The following SAFB variants were observed in gnomAD, a reference collection of about 807,000 sequenced individuals.
SAFB encodes the protein scaffold attachment factor B, also known as scaffold attachment factor B1.
A neutral mutation model predicts 101.6 loss-of-function variants in SAFB; 15 were observed. The ratio of observed to expected loss-of-function variants is 0.15; its 90% CI spans 0.10 to 0.23. The LOEUF is 0.23. Among genes scored for constraint, SAFB ranks in the 10% least tolerant of loss-of-function variants. SAFB has a pLI of 1.00. For missense variants in SAFB, 930 were observed against 1,104.1 expected (o/e 0.84, Z 2.23); for synonymous variants, 449 against 407.5 (o/e 1.10, Z -1.23).
intron 5 of SAFB, among the ~76,000 whole-genome samples, 191 bp downstream of exon 5, chr19:5,645,590 C>T (rs946070152): frequency 1.3e-5 from 2 of 152,226 alleles, no homozygotes; most frequent in African/African-American, 4.8e-5. Flanking sequence ...AGGGACTTAA[C>T]TCTAGGCTTC....
intron 4 of SAFB, among the ~76,000 whole-genome samples, chr19:5,644,102 G>A (rs879510409): frequency 6.6e-6 from 1 of 152,058 alleles, no homozygotes; most frequent in African/African-American, 2.4e-5. Context: ...TTTTTTTCAA[G>A]ACAGGGTCTC....
rs776099156 is a variant in SAFB, at chr19:5,667,082, G to A, written c.2371G>A (p.Gly791Ser). 25 of 1,612,572 alleles carry A rather than the reference G, an allele frequency of 1.6e-5. No individual in the cohort carries two copies. Among genetic ancestry groups the A allele is most frequent in the East Asian group, 6.7e-5 (3 of 44,894 alleles). Residue 791 changes from glycine (G) to serine (S), a missense_variant, in exon 18 of 21, where the codon GGC (glycine) becomes AGC (serine). Gly to Ser is a moderately conservative substitution (Grantham distance 56). This residue lies in a region of SAFB where 318 missense variants were observed against 342.6 expected (regional missense o/e 0.93). Coordinates refer to ENST00000588852, the MANE Select transcript of SAFB (RefSeq NM_001201338.2). This position sits in a 1 kb window ranked among gnomAD's most constrained non-coding sequence, Gnocchi z 4.0. ...PERHGGPERH[G>S]RDSRDGWGGY... ...ACGCCATGGAGGACCAGAGCGCCAC[G>A]GCCGGGACTCCCGCGATGGCTGGGG... is the stretch of plus-strand genomic sequence containing the variant.
At chr19:5,656,476 A>G (rs1020429114) in intron 13 of SAFB, among the ~76,000 whole-genome samples, 2 of 150,904 alleles carry the variant, frequency 1.3e-5, no homozygotes, top group African/African-American at 2.4e-5. Flanking sequence ...GGATTTCTCC[A>G]TGTTGGTCAG....
chr19:5,623,093 C>A lies in SAFB; in HGVS notation c.-113C>A. ...TTGGTGCGCCTGCGCAGAAGCGAGG[C>A]GCGCTGGGGCGACTGGAGCGGTTCC... On this transcript the variant is annotated 5_prime_UTR_variant, in exon 1 of 21. Coordinates refer to ENST00000588852, the MANE Select transcript of SAFB (RefSeq NM_001201338.2). 5 of 1,123,942 alleles carry A rather than the reference C, an allele frequency of 4.4e-6. No homozygotes were observed. Among genetic ancestry groups the A allele is most frequent in the Non-Finnish European group, 6.4e-6 (5 of 783,258 alleles). 69.6% of individuals were successfully genotyped at this position (1,123,942 alleles called of 1,614,324 possible).
In SAFB at chr19:5,653,211, A is replaced by G. The variant is rs2053978397; in HGVS notation, c.1390A>G (p.Ile464Val). The G allele has an allele frequency of 6.2e-7, 1 of 1,614,188 alleles. No homozygotes were observed. The highest frequency in any genetic ancestry group is 8.5e-7 in the Non-Finnish European group (1 of 1,180,042). The change falls in exon 10 of 21, where the codon ATT (isoleucine) becomes GTT (valine). Residue 464 changes from isoleucine to valine, a missense_variant. Ile to Val is a conservative substitution (Grantham distance 29). Transcript: ENST00000588852. ...CACAGCAGAAGAGGCCACAAAATGC[A>G]TTAACCACCTGCACAAGACGGAGCT... The part of the protein sequence containing the change: ...MSTAEEATKC[I>V]NHLHKTELHG...
At chr19:5,635,602 A>G (rs1271515040) in intron 2 of SAFB, among the ~76,000 whole-genome samples, 3 of 152,126 alleles carry the variant, frequency 2.0e-5, no homozygotes, top group Non-Finnish European at 4.4e-5. Context: ...GTGTTTGTGT[A>G]ATCAAATCAG....
Position 5,664,157 on chromosome 19 carries a change from C to T in SAFB, c.2289C>T (p.Asp763=). The change falls in exon 16 of 21, where the codon GAC becomes GAT. Residue 763 remains aspartate, a splice_region_variant and synonymous_variant. Coordinates refer to ENST00000588852, the MANE Select transcript of SAFB (RefSeq NM_001201338.2). ...GCCGCTACCCCGACCACTCGGTGGA[C>T]AGGTCAGTTGGGCCCCTGCTGGGCG... ...DRGRYPDHSV[D]RREGSRSMMG... The T allele has an allele frequency of 3.7e-6, 6 of 1,613,684 alleles. No homozygotes were observed. Among genetic ancestry groups the T allele is most frequent in the South Asian group, 1.1e-5 (1 of 91,054 alleles).
At position 5,660,342 on chromosome 19, in the gene SAFB, CTTTTTTTT is replaced by C. The variant is rs11360129; in HGVS notation, c.1863-1156_1863-1149del. Among the ~76,000 whole-genome samples, 23 of 50,934 alleles carry C rather than the reference CTTTTTTTT, an allele frequency of 4.5e-4. No individual in the cohort carries two copies. In the East Asian group the frequency reaches 0.013, roughly 30 times the overall value. 33.4% of individuals were successfully genotyped at this position (50,934 alleles called of 152,430 possible). A position where few individuals can be genotyped will look rare whatever the true frequency, so the allele number is the denominator to read the frequency against. On this transcript the variant is annotated intron_variant, in intron 14 of 20. Transcript: ENST00000588852. Reference sequence around the variant, plus strand: ...TTTTTAAGTAGCTCCCTGCACACACCTTTTTTTTTTTTTTTTTTTTTTTTTTTGGAGAC... The same window carrying C: ...TTTTTAAGTAGCTCCCTGCACACACCTTTTTTTTTTTTTTTTTTTGGAGAC...
rs2054057915 is a variant in SAFB, at chr19:5,656,285, T to G, written c.1756-956T>G. Among the ~76,000 whole-genome samples the G allele has an allele frequency of 3.3e-5, 5 of 152,138 alleles. No homozygotes were observed. In the South Asian group the frequency reaches 1.0e-3, roughly 32 times the overall value. Reference sequence around the variant, plus strand: ...TTATTTATTTTTTATTTGTTATTATTATTTTTTAGACAGTCTGACTCTGTG... The same window carrying G: ...TTATTTATTTTTTATTTGTTATTATGATTTTTTAGACAGTCTGACTCTGTG... On this transcript the variant is annotated intron_variant, in intron 13 of 20. Transcript: ENST00000588852.
At chr19:5,632,391 G>A (rs145136159) in intron 2 of SAFB, among the ~76,000 whole-genome samples, 21 of 152,238 alleles carry the variant, frequency 1.4e-4, no homozygotes, top group African/African-American at 4.1e-4. Flanking sequence ...GTTGCAAGGC[G>A]CATATGCCCC....
At position 5,649,394 on chromosome 19, in the gene SAFB, G is replaced by A; in HGVS notation, c.1043G>A (p.Arg348Lys). 2 of 443,356 alleles carry A rather than the reference G, an allele frequency of 4.5e-6. No individual in the cohort carries two copies. Among genetic ancestry groups the A allele is most frequent in the Non-Finnish European group, 3.7e-6 (1 of 272,582 alleles). 27.5% of individuals were successfully genotyped at this position (443,356 alleles called of 1,614,324 possible). A position where few individuals can be genotyped will look rare whatever the true frequency, so the allele number is the denominator to read the frequency against. ...APTEAPSPEA[R>K]DSKEDGRKFD... ...ACGGAAGCCCCAAGCCCAGAAGCCAGAGATAGCAAAGAAGACGGGAGGAAG... is the reference window on the plus strand; with the variant it reads ...ACGGAAGCCCCAAGCCCAGAAGCCAAAGATAGCAAAGAAGACGGGAGGAAG... The change falls in exon 7 of 21, where the codon AGA (arginine) becomes AAA (lysine). Residue 348 changes from arginine to lysine, a missense_variant. By Grantham distance (26) the Arg-to-Lys change is conservative. Transcript: ENST00000588852.
At chr19:5,663,689 C>T (rs548489608) in intron 15 of SAFB, among the ~76,000 whole-genome samples, 1 of 152,224 alleles carries the variant, frequency 6.6e-6, no homozygotes, top group East Asian at 1.9e-4. Context: ...CAGAGCCCCT[C>T]GGGGTGGAGG....
At chr19:5,658,115 A>T (rs55791136) in intron 14 of SAFB, among the ~76,000 whole-genome samples, 5,803 of 151,812 alleles carry the variant, frequency 0.038, 400 homozygotes, top group African/African-American at 0.13. Context: ...CTCCTGCCTC[A>T]GCCTCCCAAG....
At chr19:5,651,933 C>G (rs924739072) in intron 9 of SAFB, among the ~76,000 whole-genome samples, 8 of 152,192 alleles carry the variant, frequency 5.3e-5, no homozygotes, top group Non-Finnish European at 1.0e-4. Flanking sequence ...TGGTGGCTCA[C>G]GCCTGTAATT....
chr19:5,624,748 G>C (rs1018487928), intron 1 of SAFB, among the ~76,000 whole-genome samples: 2 of 149,000 alleles, frequency 1.3e-5, no homozygotes, highest in African/African-American at 5.0e-5. Flanking sequence ...TAGTTGTCTC[G>C]GCCAGAGTCA....
At chr19:5,630,863 T>C (rs1279210467) in intron 2 of SAFB, among the ~76,000 whole-genome samples, 5 of 152,150 alleles carry the variant, frequency 3.3e-5, no homozygotes, top group Admixed American at 2.6e-4. Flanking sequence ...TAGAATGTAT[T>C]TTGCATGTGG....
chr19:5,661,869 G>T, intron 15 of SAFB, 61 bp downstream of exon 15: 1 of 1,146,514 alleles, frequency 8.7e-7, no homozygotes, highest in Non-Finnish European at 1.2e-6. Context: ...GGACCTCACA[G>T]TCCAGTTAGC....
intron 5 of SAFB, among the ~76,000 whole-genome samples, chr19:5,646,308 A>G (rs1200178972): frequency 2.0e-5 from 3 of 152,194 alleles, no homozygotes; most frequent in Non-Finnish European, 4.4e-5. Flanking sequence ...CAGAGCTCCA[A>G]CCTTGAGGAG....
At chr19:5,631,072 C>T (rs960131453) in intron 2 of SAFB, among the ~76,000 whole-genome samples, 1 of 152,064 alleles carries the variant, frequency 6.6e-6, no homozygotes, top group Non-Finnish European at 1.5e-5. Context: ...TGCCTGTAAT[C>T]CCAGCTACTC....
Sources: allele counts gnomAD v4.1 joint callset (sites outside exome capture counted in the v4.1 genomes callset), GRCh38; gene constraint gnomAD v4.1.1; regional missense constraint gnomAD v4.1.1; non-coding constraint Gnocchi (gnomAD v3.1); transcripts MANE v1.5; gene names NCBI Gene and HGNC (gene_info 2026-07-23, HGNC 2026-07-21).